Variants in RASGRP1 observed in about 807,000 individuals in gnomAD.
RASGRP1 encodes the protein RAS guanyl releasing protein 1.
RASGRP1 carries 37 observed loss-of-function variants against 95.1 expected under a neutral mutation model. That is an observed-to-expected ratio of 0.39 (90% CI 0.30 to 0.51). RASGRP1 has a LOEUF of 0.51. RASGRP1 is among the 20% of genes least tolerant of loss of function. The probability of loss-of-function intolerance (pLI) is 0.80; values close to 1 mark genes in which losing one functional copy is unlikely to be tolerated. For synonymous variants in RASGRP1, 325 were observed against 353.4 expected (o/e 0.92, Z 0.90); for missense variants, 711 against 965.4 (o/e 0.74, Z 3.49).
intron 1 of RASGRP1, among the ~76,000 whole-genome samples, chr15:38,560,453 G>A (rs1893758544): frequency 6.6e-6 from 1 of 152,180 alleles, no homozygotes; most frequent in Non-Finnish European, 1.5e-5. Flanking sequence ...AGGCCAAGGC[G>A]GGTGTATCAC....
At chr15:38,553,265 C>T (rs574337965) in intron 2 of RASGRP1, among the ~76,000 whole-genome samples, 1 of 152,354 alleles carries the variant, frequency 6.6e-6, no homozygotes, top group South Asian at 2.1e-4. Context: ...CAAGTTCTAA[C>T]ATCAGCAGGT....
At chr15:38,505,942 G>A in intron 9 of RASGRP1, 22 bp from the exon 10 acceptor site, 2 of 1,568,266 alleles carry the variant, frequency 1.3e-6, no homozygotes, top group Non-Finnish European at 1.7e-6. Flanking sequence ...AGCAGAACAG[G>A]GTTCATTGCT....
intron 2 of RASGRP1, among the ~76,000 whole-genome samples, chr15:38,559,102 G>A (rs1893699991): frequency 6.6e-6 from 1 of 151,994 alleles, no homozygotes; most frequent in African/African-American, 2.4e-5. Flanking sequence ...TTTTTTGGGA[G>A]GAAATATTTA....
chr15:38,506,943 G>T (rs1891283289), intron 9 of RASGRP1, among the ~76,000 whole-genome samples: 1 of 152,160 alleles, frequency 6.6e-6, no homozygotes, highest in African/African-American at 2.4e-5. Context: ...AAGTGAAAGG[G>T]CTAGGATCAC....
chr15:38,512,001 AAC>A (rs141295796), intron 7 of RASGRP1, among the ~76,000 whole-genome samples: 1,699 of 152,244 alleles, frequency 0.011, 18 homozygotes, highest in Non-Finnish European at 0.019. Flanking sequence ...GTATTTGTTT[AAC>A]ACAATGGTTT....
intron 2 of RASGRP1, among the ~76,000 whole-genome samples, chr15:38,538,315 G>A (rs1892740418): frequency 6.6e-6 from 1 of 152,172 alleles, no homozygotes; most frequent in African/African-American, 2.4e-5. Flanking sequence ...CCTAAGTCAT[G>A]AATTGATGTG....
intron 2 of RASGRP1, among the ~76,000 whole-genome samples, chr15:38,543,648 C>CTTTTTTTT (rs11450286): frequency 1.0e-3 from 50 of 49,444 alleles, no homozygotes; most frequent in East Asian, 5.0e-3. Context: ...TTCTTTTTTT[C>CTTTTTTTT]TTTTTTTTTT....
At chr15:38,494,231 G>C in intron 16 of RASGRP1, 151 bp downstream of exon 16, 1 of 1,025,686 alleles carries the variant, frequency 9.7e-7, no homozygotes, top group Non-Finnish European at 1.5e-6. Flanking sequence ...CTTCCTCCCT[G>C]TTTCTCCCTC....
chr15:38,555,098 G>A (rs117895916), intron 2 of RASGRP1, among the ~76,000 whole-genome samples: 2,430 of 152,288 alleles, frequency 0.016, 44 homozygotes, highest in South Asian at 0.058. Context: ...CCTTTGTTAC[G>A]GAGAGGGCTA....
intron 2 of RASGRP1, among the ~76,000 whole-genome samples, chr15:38,554,693 C>A (rs1009743734): frequency 1.3e-5 from 2 of 152,212 alleles, no homozygotes; most frequent in Non-Finnish European, 2.9e-5. Flanking sequence ...TAAATAGTGT[C>A]CAGTCTTATA....
intron 16 of RASGRP1, 159 bp downstream of exon 16, chr15:38,494,223 T>TCCTCCCTGTTTCTC (rs568366375): frequency 1.3e-5 from 12 of 955,768 alleles, no homozygotes; most frequent in Middle Eastern, 2.1e-4. Context: ...CTCCCTCTCT[T>TCCTCCCTGTTTCTC]CCTCCCTGTT....
At chr15:38,535,268 G>A (rs921622991) in intron 2 of RASGRP1, among the ~76,000 whole-genome samples, 4 of 152,048 alleles carry the variant, frequency 2.6e-5, no homozygotes, top group African/African-American at 9.7e-5. Context: ...GGCTTAGGAG[G>A]CAGGTAGGAA....
At chr15:38,515,747 CTG>C (rs1442711852) in intron 6 of RASGRP1, among the ~76,000 whole-genome samples, 1 of 150,568 alleles carries the variant, frequency 6.6e-6, no homozygotes, top group African/African-American at 2.5e-5. Context: ...AATTCAAACT[CTG>C]AGAGGACATA....
intron 8 of RASGRP1, among the ~76,000 whole-genome samples, chr15:38,509,237 C>G (rs1436938494): frequency 6.6e-6 from 1 of 152,044 alleles, no homozygotes; most frequent in Non-Finnish European, 1.5e-5. Context: ...TCCAAATTGC[C>G]AACATCATTA....
At chr15:38,530,237 C>T (rs1892384006) in intron 2 of RASGRP1, among the ~76,000 whole-genome samples, 1 of 152,176 alleles carries the variant, frequency 6.6e-6, no homozygotes, top group African/African-American at 2.4e-5. Context: ...TAGGTTATCT[C>T]ATGATGATGG....
intron 2 of RASGRP1, among the ~76,000 whole-genome samples, chr15:38,539,869 A>G (rs969193213): frequency 2.0e-5 from 3 of 151,928 alleles, no homozygotes; most frequent in Non-Finnish European, 4.4e-5. Context: ...ATGATTTCCA[A>G]TTTCATCCAT....
At chr15:38,524,982 T>A (rs1264043832) in intron 3 of RASGRP1, among the ~76,000 whole-genome samples, 1 of 151,524 alleles carries the variant, frequency 6.6e-6, no homozygotes, top group Admixed American at 6.6e-5. Flanking sequence ...TTTTTTTTTT[T>A]TTTGAGACAG....
intron 2 of RASGRP1, among the ~76,000 whole-genome samples, chr15:38,537,811 G>A (rs779619848): frequency 2.2e-4 from 33 of 152,068 alleles, no homozygotes; most frequent in Non-Finnish European, 4.4e-4. Context: ...CTCCCCCAAC[G>A]CCAGAACCCT....
intron 2 of RASGRP1, among the ~76,000 whole-genome samples, chr15:38,535,665 G>C (rs1250154046): frequency 6.6e-6 from 1 of 152,180 alleles, no homozygotes; most frequent in Non-Finnish European, 1.5e-5. Context: ...GCTCCTCCCT[G>C]GGCCTGGCTT....
Sources: allele counts gnomAD v4.1 joint callset (sites outside exome capture counted in the v4.1 genomes callset), GRCh38; gene constraint gnomAD v4.1.1; transcripts MANE v1.5; gene names NCBI Gene and HGNC (gene_info 2026-07-23, HGNC 2026-07-21).